Variants in ABCB4 observed in about 807,000 individuals in gnomAD.
ABCB4 encodes phosphatidylcholine translocator ABCB4.
In ABCB4, 76 loss-of-function variants were observed where a neutral mutation model predicts 145.7. The observed-to-expected ratio is 0.52, with a 90% confidence interval of 0.43 to 0.63. The LOEUF is 0.63. Ranked by LOEUF, ABCB4 falls within the 30% of genes least tolerant of loss-of-function variation. The pLI is 0.00. For synonymous variants in ABCB4, 517 were observed against 566.8 expected (o/e 0.91, Z 1.25); for missense variants, 1,234 against 1,553.1 (o/e 0.79, Z 3.45).
At chr7:87,422,318 A>G in intron 17 of ABCB4, 93 bp from the exon 18 acceptor site, 2 of 953,994 alleles carry the variant, frequency 2.1e-6, no homozygotes, top group Non-Finnish European at 3.3e-6. Context: ...CACATGTTTA[A>G]AACTAGGCTT....
At chr7:87,461,765 T>A (rs1233602115) in intron 4 of ABCB4, among the ~76,000 whole-genome samples, 1 of 152,228 alleles carries the variant, frequency 6.6e-6, no homozygotes, top group Non-Finnish European at 1.5e-5. Flanking sequence ...TATGTAAACA[T>A]ATTCTGCTGT....
At chr7:87,470,677 C>T (rs1216130256) in intron 3 of ABCB4, among the ~76,000 whole-genome samples, 2 of 152,172 alleles carry the variant, frequency 1.3e-5, no homozygotes, top group Non-Finnish European at 2.9e-5. Context: ...GATACCATCT[C>T]ACACCAGTTA....
At chr7:87,385,068 A>T in the ABCB4 span, among the ~76,000 whole-genome samples, 4 of 151,222 alleles carry the variant, frequency 2.6e-5, no homozygotes, top group Admixed American at 2.0e-4. Context: ...TTTTTATGCC[A>T]GTAACATGCT....
chr7:87,402,457 C>A (rs1314524647), intron 27 of ABCB4, among the ~76,000 whole-genome samples, 155 bp from the exon 28 acceptor site: 3 of 152,188 alleles, frequency 2.0e-5, no homozygotes, highest in Non-Finnish European at 4.4e-5. Context: ...GTATAATCAA[C>A]ATTTAATCTA....
chr7:87,440,535 G>T, intron 12 of ABCB4, 133 bp from the exon 13 acceptor site: 1 of 725,020 alleles, frequency 1.4e-6, no homozygotes, highest in Non-Finnish European at 2.2e-6. Flanking sequence ...GAAATAAACA[G>T]CAATATGCAA....
At chr7:87,467,940 G>A (rs1383999811) in intron 3 of ABCB4, among the ~76,000 whole-genome samples, 6 of 152,304 alleles carry the variant, frequency 3.9e-5, no homozygotes, top group East Asian at 1.9e-4. Context: ...ACAAGAGAAA[G>A]CAGGAAAGGT....
At chr7:87,422,075 A>T in intron 18 of ABCB4, 46 bp downstream of exon 18, 1 of 1,325,256 alleles carries the variant, frequency 7.5e-7, no homozygotes, top group Non-Finnish European at 1.1e-6. Context: ...TAATTTCTCT[A>T]ATTAAATTAT....
intron 23 of ABCB4, 49 bp from the exon 24 acceptor site, chr7:87,409,441 A>G (rs768341258): frequency 6.3e-7 from 1 of 1,592,582 alleles, no homozygotes. Flanking sequence ...AATTAACTCC[A>G]TGATGTTTGA....
At chr7:87,468,670 C>T (rs990998103) in intron 3 of ABCB4, among the ~76,000 whole-genome samples, 11 of 152,082 alleles carry the variant, frequency 7.2e-5, no homozygotes, top group African/African-American at 2.2e-4. Context: ...CGGTGGCTCA[C>T]GCCTATAATC....
the ABCB4 span, among the ~76,000 whole-genome samples, chr7:87,396,626 CTT>C: frequency 0.058 from 8,810 of 151,680 alleles, 314 homozygotes; most frequent in South Asian, 0.16. Context: ...TCCCCTGCCT[CTT>C]CTTTCATCTC....
Position 87,475,443 on chromosome 7 carries a change from T to G in ABCB4, c.23A>C (p.Asn8Thr). MDLEAAK[N>T]GTAWRPTSAE... Reference sequence around the variant, plus strand: ...GCTCGTGGGGCGCCAGGCTGTTCCGTTCTTTGCCGCCTCAAGATCCATCTC... The same window carrying G: ...GCTCGTGGGGCGCCAGGCTGTTCCGGTCTTTGCCGCCTCAAGATCCATCTC... Residue 8 changes from asparagine (N) to threonine (T), a missense_variant, in exon 2 of 28, where the codon AAC (asparagine) becomes ACC (threonine). Physicochemically the swap from Asn to Thr is moderately conservative, Grantham distance 65. Coordinates refer to ENST00000649586, the MANE Select transcript of ABCB4 (RefSeq NM_000443.4). The G allele has an allele frequency of 1.2e-6, 2 of 1,614,154 alleles. No homozygotes were observed. Among genetic ancestry groups the G allele is most frequent in the Non-Finnish European group, 1.7e-6 (2 of 1,180,024 alleles).
At position 87,443,787 on chromosome 7, in the gene ABCB4, A is replaced by G; in HGVS notation, c.1120-14T>C. 6.3e-7 allele frequency: 1 copy of G among 1,583,878 alleles called. No individual in the cohort carries two copies. ...AATTTTAGGATTCTAAATAAAACAAAATGTAATGACTATTCCATCATAGCA... is the reference window on the plus strand; with the variant it reads ...AATTTTAGGATTCTAAATAAAACAAGATGTAATGACTATTCCATCATAGCA... On this transcript the variant is annotated splice_polypyrimidine_tract_variant and intron_variant, in intron 10 of 27. Coordinates refer to ENST00000649586, the MANE Select transcript of ABCB4 (RefSeq NM_000443.4).
chr7:87,378,277 T>C, the ABCB4 span, among the ~76,000 whole-genome samples: 31 of 146,946 alleles, frequency 2.1e-4, no homozygotes, highest in African/African-American at 7.3e-4. Context: ...ACCTGGGAGG[T>C]TGAGGGTGCA....
chr7:87,425,929 T>C (rs1278627340), intron 16 of ABCB4, among the ~76,000 whole-genome samples: 1 of 152,110 alleles, frequency 6.6e-6, no homozygotes, highest in Admixed American at 6.6e-5. Context: ...TAACTGGAGT[T>C]AATAATCTCC....
the ABCB4 span, among the ~76,000 whole-genome samples, chr7:87,387,167 GTACTAGA>G: frequency 6.6e-6 from 1 of 151,754 alleles, no homozygotes; most frequent in Non-Finnish European, 1.5e-5. Flanking sequence ...AGGATAATTG[GTACTAGA>G]TAGTTGTTTT....
chr7:87,419,885 G>A lies in ABCB4; in HGVS notation c.2394+113C>T, dbSNP rs1039053249. 9.7e-5 allele frequency: 110 copies of A among 1,138,120 alleles called. 2 individuals carry two copies. The East Asian group carries it at 1.6e-3, about 16-fold the overall frequency. The allele number at this position is 1,138,120 out of a possible 1,614,324, so 70.5% of individuals were successfully genotyped here. A position where few individuals can be genotyped will look rare whatever the true frequency, so the allele number is the denominator to read the frequency against. On this transcript the variant is annotated intron_variant, in intron 19 of 27. Coordinates refer to ENST00000649586, the MANE Select transcript of ABCB4 (RefSeq NM_000443.4). Reference sequence around the variant, plus strand: ...TTGCAGGACTCTGCCCCATCCTTGCGTGAATACCCTGGGGGGAAAACATGC... The same window carrying A: ...TTGCAGGACTCTGCCCCATCCTTGCATGAATACCCTGGGGGGAAAACATGC...
the ABCB4 span, chr7:87,377,250 C>T: frequency 3.1e-6 from 2 of 650,746 alleles, no homozygotes; most frequent in Non-Finnish European, 2.6e-6. Context: ...ATTTGGTTGA[C>T]GTGAAGAGGA....
intron 4 of ABCB4, among the ~76,000 whole-genome samples, chr7:87,461,567 A>G (rs1194456276): frequency 1.3e-5 from 2 of 152,230 alleles, no homozygotes; most frequent in African/African-American, 4.8e-5. Context: ...TAAAGTGCTC[A>G]GCATAGGACC....
intron 18 of ABCB4, among the ~76,000 whole-genome samples, chr7:87,421,493 T>C (rs1192931896): frequency 6.6e-6 from 1 of 152,192 alleles, no homozygotes; most frequent in East Asian, 1.9e-4. Flanking sequence ...AAAAACTTGG[T>C]TTACTTTGCC....
Sources: allele counts gnomAD v4.1 joint callset (sites outside exome capture counted in the v4.1 genomes callset), GRCh38; gene constraint gnomAD v4.1.1; transcripts MANE v1.5; gene names NCBI Gene and HGNC (gene_info 2026-07-23, HGNC 2026-07-21).